TDRD10: variants seen among roughly 807,000 people sequenced by gnomAD.
TDRD10 encodes the protein tudor domain containing 10.
A neutral mutation model predicts 48.0 loss-of-function variants in TDRD10; 40 were observed. The ratio of observed to expected loss-of-function variants is 0.83; its 90% confidence interval spans 0.65 to 1.09. The LOEUF is 1.09. Ranked by LOEUF, TDRD10 falls within the 50% of genes least tolerant of loss-of-function variation. The pLI, the probability that TDRD10 is intolerant of heterozygous loss-of-function variation, is 0.00. For missense variants in TDRD10, 378 were observed against 434.7 expected (o/e 0.87, Z 1.16); for synonymous variants, 162 against 170.4 (o/e 0.95, Z 0.38).
At chr1:154,508,526 C>T in intron 4 of TDRD10, 45 bp downstream of exon 4, 1 of 1,317,782 alleles carries the variant, frequency 7.6e-7, no homozygotes. Flanking sequence ...TTGGCCTTCC[C>T]ATATGACTTA....
chr1:154,505,291 CT>C (rs920242073), intron 1 of TDRD10, among the ~76,000 whole-genome samples: 1 of 152,184 alleles, frequency 6.6e-6, no homozygotes, highest in Non-Finnish European at 1.5e-5. Flanking sequence ...CCTGGCAGGC[CT>C]TAAAGGCATC....
Position 154,544,777 on chromosome 1 carries a change from T to C in TDRD10, c.798-18T>C. The C allele has an allele frequency of 1.2e-6, 2 of 1,612,832 alleles. No homozygotes were observed. The highest frequency in any genetic ancestry group is 1.7e-6 in the Non-Finnish European group (2 of 1,179,316). ...AGGCGGAATGATTGTCCTCTGTCTT[T>C]CTCTTTTCCTCTGCCAGGTGTTGGG... On this transcript the variant is annotated intron_variant, in intron 10 of 12. Coordinates refer to ENST00000368482, the MANE Select transcript of TDRD10 (RefSeq NM_182499.4).
intron 8 of TDRD10, 152 bp downstream of exon 8, chr1:154,542,973 G>A: frequency 1.7e-6 from 1 of 593,780 alleles, no homozygotes; most frequent in East Asian, 3.1e-5. Flanking sequence ...GACCCACACT[G>A]ACTTATAAAA....
chr1:154,504,131 T>C (rs148231975), intron 1 of TDRD10, among the ~76,000 whole-genome samples: 3 of 152,370 alleles, frequency 2.0e-5, no homozygotes, highest in Non-Finnish European at 4.4e-5. Context: ...AGTGGAATCA[T>C]GCAATATGTG....
intron 4 of TDRD10, among the ~76,000 whole-genome samples, chr1:154,511,707 G>A (rs1013435514): frequency 1.3e-4 from 20 of 151,970 alleles, no homozygotes; most frequent in Non-Finnish European, 2.6e-4. Context: ...AATTAGCTGG[G>A]AGTGGTGGTG....
chr1:154,528,823 AAG>A (rs887120487), intron 6 of TDRD10, among the ~76,000 whole-genome samples: 1 of 152,182 alleles, frequency 6.6e-6, no homozygotes, highest in Non-Finnish European at 1.5e-5. Flanking sequence ...CTCAAAAAAA[AAG>A]TAATAATAAA....
intron 4 of TDRD10, among the ~76,000 whole-genome samples, chr1:154,512,563 T>C (rs7526247): frequency 0.78 from 119,226 of 152,048 alleles, 47,502 homozygotes; most frequent in East Asian, 0.92. Flanking sequence ...AGGCTGGTCT[T>C]GAACCCCTGA....
chr1:154,508,482 GTATT>G lies in TDRD10; in HGVS notation c.141+6_141+9del, dbSNP rs1693271955. The G allele has an allele frequency of 6.3e-7, 1 of 1,597,522 alleles. No homozygotes were observed. Among genetic ancestry groups the G allele is most frequent in the Admixed American group, 1.7e-5 (1 of 59,968 alleles). The stretch of plus-strand genomic sequence containing the variant: ...CAATCTTCCACTGGATATTTCTAAG[GTATT>G]TATTCTTCACAATAGGCTGCTTATC... On this transcript the variant is annotated splice_donor_variant and splice_donor_5th_base_variant and intron_variant, in intron 4 of 12. Transcript: ENST00000368482. LOFTEE classifies it high-confidence loss of function.
intron 4 of TDRD10, among the ~76,000 whole-genome samples, chr1:154,516,084 T>C (rs1221556679): frequency 2.0e-5 from 3 of 152,198 alleles, no homozygotes; most frequent in Non-Finnish European, 4.4e-5. Context: ...GGGCTCTGCT[T>C]TCTGCACCTA....
At chr1:154,522,169 G>A (rs1202584089) in intron 6 of TDRD10, among the ~76,000 whole-genome samples, 2 of 152,164 alleles carry the variant, frequency 1.3e-5, no homozygotes, top group African/African-American at 4.8e-5. Context: ...AGGAGGTAGG[G>A]AGTCCAGGGT....
intron 3 of TDRD10, among the ~76,000 whole-genome samples, chr1:154,507,715 A>G (rs921751778): frequency 6.6e-6 from 1 of 152,104 alleles, no homozygotes; most frequent in Non-Finnish European, 1.5e-5. Flanking sequence ...ACAGCCTTTC[A>G]TTATTTCATA....
intron 10 of TDRD10, 100 bp downstream of exon 10, chr1:154,544,617 G>T: frequency 6.7e-7 from 1 of 1,499,252 alleles, no homozygotes; most frequent in South Asian, 1.3e-5. Flanking sequence ...TTTTTCCTGT[G>T]GCTTCTTCTC....
intron 4 of TDRD10, 119 bp from the exon 5 acceptor site, chr1:154,520,185 G>T (rs1693984328): frequency 1.4e-6 from 1 of 719,592 alleles, no homozygotes; most frequent in East Asian, 2.6e-5. Context: ...GCACATAATA[G>T]ATCCTCATTA....
chr1:154,524,617 G>C (rs774418785), intron 6 of TDRD10, among the ~76,000 whole-genome samples: 2 of 152,174 alleles, frequency 1.3e-5, no homozygotes, highest in Non-Finnish European at 2.9e-5. Context: ...TTTTGTGTGT[G>C]TGTCATAGTT....
intron 4 of TDRD10, among the ~76,000 whole-genome samples, chr1:154,513,721 T>C (rs1468055494): frequency 6.6e-6 from 1 of 152,182 alleles, no homozygotes; most frequent in Non-Finnish European, 1.5e-5. Context: ...ACACCTATGC[T>C]AGTCAAGCTC....
chr1:154,505,725 A>G (rs765862020), intron 1 of TDRD10, among the ~76,000 whole-genome samples: 2 of 152,226 alleles, frequency 1.3e-5, no homozygotes, highest in Non-Finnish European at 2.9e-5. Context: ...TTATAATTTT[A>G]TAAAATCACC....
intron 6 of TDRD10, among the ~76,000 whole-genome samples, chr1:154,528,454 G>A (rs1232607364): frequency 1.3e-5 from 2 of 151,954 alleles, no homozygotes; most frequent in Admixed American, 1.3e-4. Flanking sequence ...TAGAACTCCT[G>A]ACCTCAGGTG....
intron 3 of TDRD10, among the ~76,000 whole-genome samples, chr1:154,507,843 G>A (rs550564098): frequency 6.6e-6 from 1 of 152,216 alleles, no homozygotes; most frequent in East Asian, 1.9e-4. Flanking sequence ...CAGCTTTTTT[G>A]TATCTCCATG....
chr1:154,534,951 G>A (rs1259568079), intron 6 of TDRD10, among the ~76,000 whole-genome samples: 2 of 152,162 alleles, frequency 1.3e-5, no homozygotes, highest in East Asian at 1.9e-4. Flanking sequence ...ATAATGAATG[G>A]GAAAATAAAA....
Sources: allele counts gnomAD v4.1 joint callset (sites outside exome capture counted in the v4.1 genomes callset), GRCh38; gene constraint gnomAD v4.1.1; transcripts MANE v1.5; gene names NCBI Gene and HGNC (gene_info 2026-07-23, HGNC 2026-07-21).